Variants in TNPO3 observed in about 807,000 individuals in gnomAD.
TNPO3 encodes the protein transportin-3.
TNPO3 carries 65 observed loss-of-function variants against 122.8 expected under a neutral mutation model. The ratio of observed to expected loss-of-function variants is 0.53; its 90% CI spans 0.43 to 0.65. The LOEUF (loss-of-function observed/expected upper bound fraction) is 0.65, where lower values mean the gene tolerates loss of function less well. Ranked by LOEUF, TNPO3 falls within the 30% of genes least tolerant of loss-of-function variation. The probability of loss-of-function intolerance (pLI) is 0.00; values close to 1 mark genes in which losing one functional copy is unlikely to be tolerated. For synonymous variants in TNPO3, 372 were observed against 411.2 expected (o/e 0.90, Z 1.15); for missense variants, 850 against 1,136.7 (o/e 0.75, Z 3.63).
chr7:129,001,100 C>A lies in TNPO3; in HGVS notation c.831G>T (p.Glu277Asp). 6.2e-7 allele frequency: 1 copy of A among 1,614,186 alleles called. No homozygotes were observed. The highest frequency in any genetic ancestry group is 8.5e-7 in the Non-Finnish European group (1 of 1,180,012). Reference protein sequence around the residue: ...MQLFQGVLTLETAYHMAVARE... With the variant: ...MQLFQGVLTLDTAYHMAVARE... ...GTGCCACGGCCATATGATAGGCAGT[C>A]TCCAATGTCAGCACTCCCTGAAAAA... Residue 277 changes from glutamate (E) to aspartate (D), a missense_variant, in exon 6 of 23, where the codon GAG becomes GAT. Coordinates refer to ENST00000265388, the MANE Select transcript of TNPO3 (RefSeq NM_012470.4).
At chr7:129,009,024 T>C (rs1270494543) in intron 4 of TNPO3, among the ~76,000 whole-genome samples, 1 of 152,210 alleles carries the variant, frequency 6.6e-6, no homozygotes, top group Non-Finnish European at 1.5e-5. Flanking sequence ...ACAGTTATCT[T>C]CTGTTCCTCT....
At chr7:129,020,191 T>C (rs948558663) in intron 1 of TNPO3, among the ~76,000 whole-genome samples, 13 of 151,830 alleles carry the variant, frequency 8.6e-5, no homozygotes, top group Non-Finnish European at 1.8e-4. Context: ...GGGTGCAAAG[T>C]AAGCATGAGG....
At chr7:128,986,678 C>T in intron 12 of TNPO3, 51 bp downstream of exon 12, 1 of 1,506,136 alleles carries the variant, frequency 6.6e-7, no homozygotes, top group Admixed American at 2.1e-5. Context: ...GTAAGATTAC[C>T]CCAGGTAGTG....
chr7:129,042,898 A>G (rs1807566883), intron 1 of TNPO3, among the ~76,000 whole-genome samples: 2 of 152,108 alleles, frequency 1.3e-5, no homozygotes, highest in Non-Finnish European at 2.9e-5. Flanking sequence ...AAAGAAAAGT[A>G]ATCATAAATC....
At chr7:128,960,573 A>G (rs1396801555) in intron 21 of TNPO3, among the ~76,000 whole-genome samples, 2 of 68,758 alleles carry the variant, frequency 2.9e-5, no homozygotes, top group Admixed American at 1.4e-4. Context: ...TTTAAAAGCT[A>G]AAAAAAAAAA....
intron 1 of TNPO3, among the ~76,000 whole-genome samples, chr7:129,023,524 A>T (rs2150460888): frequency 6.6e-6 from 1 of 152,274 alleles, no homozygotes; most frequent in East Asian, 1.9e-4. Flanking sequence ...TTAAATACAC[A>T]AGATGGGCCC....
chr7:129,020,873 C>T (rs1804408792), intron 1 of TNPO3, among the ~76,000 whole-genome samples: 2 of 152,190 alleles, frequency 1.3e-5, no homozygotes, highest in South Asian at 2.1e-4. Flanking sequence ...TCTACAAGAA[C>T]CCCAAAATAT....
At chr7:129,031,629 C>T (rs1936097566) in intron 1 of TNPO3, among the ~76,000 whole-genome samples, 1 of 152,088 alleles carries the variant, frequency 6.6e-6, no homozygotes, top group South Asian at 2.1e-4. Flanking sequence ...AAAGAAATAA[C>T]ATTAATCCTT....
intron 18 of TNPO3, among the ~76,000 whole-genome samples, chr7:128,974,321 AAC>A (rs1798837927): frequency 1.4e-5 from 2 of 147,034 alleles, no homozygotes; most frequent in African/African-American, 5.1e-5. Context: ...CTGATATGGT[AAC>A]AGTTTTGGTT....
At chr7:128,955,565 G>C (rs940974057) in intron 22 of TNPO3, among the ~76,000 whole-genome samples, 180 bp from the exon 23 acceptor site, 3 of 152,108 alleles carry the variant, frequency 2.0e-5, no homozygotes, top group Non-Finnish European at 4.4e-5. Flanking sequence ...TGGGTTCAAG[G>C]GAGCTACTGC....
chr7:128,987,028 CT>C (rs1376664316), intron 11 of TNPO3, 108 bp from the exon 12 acceptor site: 3 of 1,182,608 alleles, frequency 2.5e-6, no homozygotes, highest in African/African-American at 3.1e-5. Context: ...CAAAAGAACC[CT>C]TTTAAAAAGT....
At chr7:128,959,792 C>A (rs960835614) in intron 21 of TNPO3, among the ~76,000 whole-genome samples, 4 of 152,144 alleles carry the variant, frequency 2.6e-5, no homozygotes, top group African/African-American at 9.7e-5. Flanking sequence ...GAGGCCAAGG[C>A]GGGTAGATCA....
chr7:128,997,333 T>A (rs575590426), intron 8 of TNPO3, 56 bp downstream of exon 8: 1 of 1,587,002 alleles, frequency 6.3e-7, no homozygotes, highest in African/African-American at 1.4e-5. Flanking sequence ...CCTTTTCAAG[T>A]TGGCACTGAC....
In TNPO3 at chr7:129,054,832, C is replaced by T. The variant is rs1269825975; in HGVS notation, c.-62G>A. 9.3e-6 allele frequency: 15 copies of T among 1,608,606 alleles called. No individual in the cohort carries two copies. The highest frequency in any genetic ancestry group is 6.7e-5 in the East Asian group (3 of 44,824). On this transcript the variant is annotated 5_prime_UTR_variant, in exon 1 of 23. Coordinates refer to ENST00000265388, the MANE Select transcript of TNPO3 (RefSeq NM_012470.4). ...TCTTCTCCGGAGGATTCCTCGGTTG[C>T]TCCGCCTTCGCGCTTCCTCACTGTC... is the stretch of plus-strand genomic sequence containing the variant.
chr7:129,041,844 A>G, intron 1 of TNPO3: 1 of 644,240 alleles, frequency 1.6e-6, no homozygotes, highest in Non-Finnish European at 1.9e-6. Context: ...GATGAATATG[A>G]GGCAGGCTAT....
chr7:129,005,119 A>G lies in TNPO3; in HGVS notation c.593T>C (p.Leu198Pro). The part of the protein sequence containing the change: ...VEKAGTDEKM[L>P]MKVFRCLGSW... ...TCCCAAACAGCGAAAAACCTTCATA[A>G]GCATTTTCTCATCTGTTCCTGCTTT... Residue 198 changes from leucine to proline, a missense_variant, in exon 5 of 23, where the codon CTT (leucine) becomes CCT (proline). Transcript: ENST00000265388. The G allele has an allele frequency of 6.2e-7, 1 of 1,614,044 alleles. No homozygotes were observed. Among genetic ancestry groups the G allele is most frequent in the Non-Finnish European group, 8.5e-7 (1 of 1,179,960 alleles).
chr7:129,014,462 G>A (rs1183610269), intron 4 of TNPO3, among the ~76,000 whole-genome samples: 1 of 152,150 alleles, frequency 6.6e-6, no homozygotes, highest in Non-Finnish European at 1.5e-5. Flanking sequence ...GGAGGAGGGT[G>A]CAGTAAGCTG....
At chr7:129,023,713 C>T (rs762037418) in intron 1 of TNPO3, among the ~76,000 whole-genome samples, 2 of 152,170 alleles carry the variant, frequency 1.3e-5, no homozygotes, top group Non-Finnish European at 2.9e-5. Context: ...GTAACAATTA[C>T]AAGCAGACAT....
At chr7:129,007,308 C>G (rs770594247) in intron 4 of TNPO3, among the ~76,000 whole-genome samples, 8 of 152,182 alleles carry the variant, frequency 5.3e-5, no homozygotes, top group Non-Finnish European at 1.0e-4. Context: ...AACCATTACA[C>G]GATAGCTACC....
Sources: gnomAD v4.1 joint callset for allele counts (sites outside exome capture counted in the v4.1 genomes callset) on GRCh38, gnomAD v4.1.1 for gene constraint, MANE v1.5 for transcripts, NCBI Gene and HGNC (gene_info 2026-07-23, HGNC 2026-07-21) for gene names.